The following GPC6 variants were observed in gnomAD, a reference collection of about 807,000 sequenced individuals.
GPC6 encodes the protein glypican-6.
In GPC6, 14 loss-of-function variants were observed where a neutral mutation model predicts 55.2. The observed-to-expected ratio is 0.25, with a 90% confidence interval of 0.17 to 0.40. The LOEUF is 0.40. Ranked by LOEUF, GPC6 falls within the 10% of genes least tolerant of loss-of-function variation. The pLI is 1.00. For missense variants in GPC6, 641 were observed against 708.5 expected, an observed-to-expected ratio of 0.90 and a Z score of 1.08; for synonymous variants, 278 against 259.6, an observed-to-expected ratio of 1.07 and a Z score of -0.68.
At chr13:93,873,441 A>G (rs572594568) in intron 3 of GPC6, among the ~76,000 whole-genome samples, 1 of 152,050 alleles carries the variant, frequency 6.6e-6, no homozygotes, top group East Asian at 2.0e-4. Context: ...TTCCATACAT[A>G]TAGAGCAATG....
At chr13:93,403,696 T>C (rs1363872654) in intron 1 of GPC6, among the ~76,000 whole-genome samples, 2 of 152,188 alleles carry the variant, frequency 1.3e-5, no homozygotes, top group Non-Finnish European at 2.9e-5. Flanking sequence ...CTTGGTTTTC[T>C]AGTCCAGCTT....
At chr13:94,171,804 C>T (rs1888577741) in intron 4 of GPC6, among the ~76,000 whole-genome samples, 1 of 152,124 alleles carries the variant, frequency 6.6e-6, no homozygotes, top group Admixed American at 6.5e-5. Context: ...CAGTGAGCCT[C>T]TACTTGATTC....
chr13:93,970,261 T>G (rs1334549632), intron 3 of GPC6, among the ~76,000 whole-genome samples: 1 of 152,154 alleles, frequency 6.6e-6, no homozygotes, highest in Non-Finnish European at 1.5e-5. Flanking sequence ...GAAAAAAATT[T>G]GGGGTGCCAT....
intron 3 of GPC6, among the ~76,000 whole-genome samples, chr13:93,922,785 A>G (rs992747288): frequency 1.3e-5 from 2 of 151,516 alleles, no homozygotes; most frequent in Non-Finnish European, 2.9e-5. Context: ...TCATTCCAAA[A>G]CTCCTCCTGT....
intron 3 of GPC6, among the ~76,000 whole-genome samples, chr13:94,026,282 C>A (rs1882891833): frequency 6.6e-6 from 1 of 151,958 alleles, no homozygotes; most frequent in Admixed American, 6.6e-5. Context: ...CAAAATTGAT[C>A]CTAGGTAAGG....
At chr13:93,510,995 A>ATATGTATATATATATGTG (rs1555306608) in intron 1 of GPC6, among the ~76,000 whole-genome samples, 1 of 91,656 alleles carries the variant, frequency 1.1e-5, no homozygotes, top group African/African-American at 3.8e-5. Flanking sequence ...GTGTATATAT[A>ATATGTATATATATATGTG]TATATATATA....
intron 4 of GPC6, among the ~76,000 whole-genome samples, chr13:94,257,467 G>T (rs1374844890): frequency 6.6e-6 from 1 of 152,182 alleles, no homozygotes; most frequent in Non-Finnish European, 1.5e-5. Context: ...AGGCACTGCG[G>T]TCAAGAACTC....
intron 2 of GPC6, among the ~76,000 whole-genome samples, chr13:93,706,819 G>GCT (rs2138802601): frequency 6.6e-6 from 1 of 152,008 alleles, no homozygotes; most frequent in East Asian, 1.9e-4. Context: ...CTCTTGAGGA[G>GCT]CTTACAGTCT....
At chr13:93,276,346 G>T (rs1877736507) in intron 1 of GPC6, among the ~76,000 whole-genome samples, 2 of 152,040 alleles carry the variant, frequency 1.3e-5, no homozygotes, top group African/African-American at 4.8e-5. Context: ...TCATTTTGGG[G>T]TTTTGAAAAA....
At chr13:93,590,099 G>GT (rs1877393328) in intron 2 of GPC6, among the ~76,000 whole-genome samples, 1 of 152,122 alleles carries the variant, frequency 6.6e-6, no homozygotes, top group South Asian at 2.1e-4. Context: ...TTGTGTTGTA[G>GT]TTTTTTGGAT....
Position 94,021,571 on chromosome 13 carries a change from TAAGG to T in GPC6, c.712-6156_712-6153del, listed in dbSNP as rs575745041. Among the ~76,000 whole-genome samples, 311 of 152,172 alleles carry T rather than the reference TAAGG, an allele frequency of 2.0e-3. 1 individual carries two copies. The highest frequency in any genetic ancestry group is 0.014 in the Middle Eastern group (4 of 294). On this transcript the variant is annotated intron_variant, in intron 3 of 8. Transcript: ENST00000377047. ...GTCCTACCCCACAATACAGCTTTAT[TAAGG>T]ATTCTTTTTGTATTCCTTGATATGT... is the stretch of plus-strand genomic sequence containing the variant.
intron 3 of GPC6, among the ~76,000 whole-genome samples, chr13:93,997,518 A>T (rs1881609581): frequency 1.3e-5 from 2 of 152,244 alleles, no homozygotes; most frequent in South Asian, 4.1e-4. Flanking sequence ...TCTCCAAACC[A>T]AAAGAAGAAG....
intron 4 of GPC6, among the ~76,000 whole-genome samples, chr13:94,219,744 C>A (rs1024144610): frequency 1.3e-5 from 2 of 152,112 alleles, no homozygotes; most frequent in East Asian, 1.9e-4. Context: ...GGTCTCGTTT[C>A]GGAAGGCAAG....
chr13:93,952,701 G>T (rs1879305368), intron 3 of GPC6, among the ~76,000 whole-genome samples: 1 of 151,138 alleles, frequency 6.6e-6, no homozygotes, highest in African/African-American at 2.4e-5. Context: ...GTATGTGTGT[G>T]AGAGTATATA....
Position 94,105,086 on chromosome 13 carries a change from A to C in GPC6, c.877+77192A>C, listed in dbSNP as rs571598668. On this transcript the variant is annotated intron_variant, in intron 4 of 8. Coordinates refer to ENST00000377047, the MANE Select transcript of GPC6 (RefSeq NM_005708.5). ...TAGATTTTTAATTTCTTAAGGGTAG[A>C]ACTGAAGCACATAATCCCAGTACTG... 7.9e-5 allele frequency among the ~76,000 whole-genome samples: 12 copies of C among 152,300 alleles called. No homozygotes were observed. In the East Asian group the frequency reaches 1.9e-3, roughly 25 times the overall value.
chr13:93,682,173 G>C (rs980856548), intron 2 of GPC6, among the ~76,000 whole-genome samples: 1 of 152,138 alleles, frequency 6.6e-6, no homozygotes, highest in Non-Finnish European at 1.5e-5. Context: ...GAGTTTCCCA[G>C]GAAGCAGACT....
At chr13:94,298,233 T>C (rs1270357599) in intron 5 of GPC6, among the ~76,000 whole-genome samples, 1 of 152,208 alleles carries the variant, frequency 6.6e-6, no homozygotes, top group Non-Finnish European at 1.5e-5. Context: ...TATGTAATAG[T>C]ATAATGTAGC....
At chr13:93,309,067 A>C (rs892906558) in intron 1 of GPC6, among the ~76,000 whole-genome samples, 4 of 152,188 alleles carry the variant, frequency 2.6e-5, no homozygotes, top group African/African-American at 4.8e-5. Context: ...TGGAACAATG[A>C]ACTGGAAAAT....
chr13:93,691,282 G>C (rs2138780656), intron 2 of GPC6, among the ~76,000 whole-genome samples: 1 of 152,196 alleles, frequency 6.6e-6, no homozygotes, highest in Middle Eastern at 3.4e-3. Context: ...ATAATGTAGA[G>C]AAGTGATCTA....
Sources: allele counts gnomAD v4.1 joint callset (sites outside exome capture counted in the v4.1 genomes callset), GRCh38; gene constraint gnomAD v4.1.1; transcripts MANE v1.5; gene names NCBI Gene and HGNC (gene_info 2026-07-23, HGNC 2026-07-21).